The following GALNT16 variants were observed in gnomAD, a reference collection of about 807,000 sequenced individuals.
GALNT16 encodes polypeptide N-acetylgalactosaminyltransferase 16, also known as UDP-GalNAc:polypeptide N-acetylgalactosaminyltransferase-like protein 1.
In GALNT16, 40 loss-of-function variants were observed where a neutral mutation model predicts 76.1. That is an observed-to-expected ratio of 0.53 (90% CI 0.41 to 0.68). The LOEUF (loss-of-function observed/expected upper bound fraction) is 0.68. Among genes scored for constraint, GALNT16 ranks in the 30% least tolerant of loss-of-function variants. GALNT16 has a pLI of 0.00. For missense variants in GALNT16, 621 were observed against 731.9 expected, an observed-to-expected ratio of 0.85 and a Z score of 1.75; for synonymous variants, 276 against 285.2, an observed-to-expected ratio of 0.97 and a Z score of 0.32.
the GALNT16 span, among the ~76,000 whole-genome samples, chr14:69,362,613 A>T: frequency 2.9e-4 from 44 of 152,356 alleles, no homozygotes; most frequent in African/African-American, 9.9e-4. Flanking sequence ...CCAGCTGCTT[A>T]GGCATCCTGA....
At chr14:69,368,169 A>G in the GALNT16 span, among the ~76,000 whole-genome samples, 1 of 152,112 alleles carries the variant, frequency 6.6e-6, no homozygotes, top group African/African-American at 2.4e-5. Context: ...TTTCTGGGAA[A>G]AGCTCTTTCC....
rs141045703 is a variant in GALNT16 at position 69,325,369 on chromosome 14, A to G, written c.467A>G (p.Gln156Arg). The G allele has an allele frequency of 1.9e-3, 3,044 of 1,600,430 alleles. 70 individuals carry two copies. The South Asian group carries it at 0.029, about 15-fold the overall frequency. The change falls in exon 4 of 15, where the codon CAG (glutamine) becomes CGG (arginine). Residue 156 changes from glutamine (Q) to arginine (R), a missense_variant. Physicochemically the swap from Gln to Arg is conservative, Grantham distance 43 (BLOSUM62 1). Transcript: ENST00000448469. ...VLNRTPANLI[Q>R]EIILVDDFSS... is the part of the protein sequence containing the mutation. ...AACCGAACTCCTGCCAACTTGATCC[A>G]GGAGATCATTTTAGTGGATGACTTC...
the GALNT16 span, among the ~76,000 whole-genome samples, chr14:69,363,359 T>C: frequency 6.6e-6 from 1 of 152,210 alleles, no homozygotes; most frequent in Non-Finnish European, 1.5e-5. Flanking sequence ...GGATTCGGTC[T>C]GCCCAGCAGA....
chr14:69,382,789 C>CAAAAA, the GALNT16 span, among the ~76,000 whole-genome samples: 90 of 103,140 alleles, frequency 8.7e-4, 1 homozygote, highest in African/African-American at 3.3e-3. Flanking sequence ...ACTCTATCTC[C>CAAAAA]AAAAGAAAAA....
At chr14:69,310,755 T>TA (rs752896535) in intron 1 of GALNT16, among the ~76,000 whole-genome samples, 1 of 151,740 alleles carries the variant, frequency 6.6e-6, no homozygotes, top group Admixed American at 6.6e-5. Context: ...TTTTTCTGTC[T>TA]AAAAAAAATT....
At chr14:69,316,297 T>A (rs2045099398) in intron 1 of GALNT16, among the ~76,000 whole-genome samples, 1 of 152,208 alleles carries the variant, frequency 6.6e-6, no homozygotes. Context: ...AGATTACACA[T>A]GTATTCAGTA....
rs1302275312 is a variant in GALNT16, at chr14:69,347,983, A to G, written c.1520A>G (p.Asn507Ser). Reference protein sequence around the residue: ...PGSPVILQMCNPREGKQKWRR... With the variant: ...PGSPVILQMCSPREGKQKWRR... ...TCCCCAGTCATACTGCAGATGTGCAACCCTAGAGAAGGCAAGCAGGTGAGT... is the reference window on the plus strand; with the variant it reads ...TCCCCAGTCATACTGCAGATGTGCAGCCCTAGAGAAGGCAAGCAGGTGAGT... The change falls in exon 14 of 15, where the codon AAC becomes AGC. Residue 507 changes from asparagine to serine, a missense_variant. Coordinates refer to ENST00000448469, the MANE Select transcript of GALNT16 (RefSeq NM_001168368.2). 9.3e-6 allele frequency: 15 copies of G among 1,614,002 alleles called. No individual in the cohort carries two copies. The highest frequency in any genetic ancestry group is 1.2e-5 in the Non-Finnish European group (14 of 1,179,980).
chr14:69,360,110 T>C (rs1383139639), downstream of GALNT16, among the ~76,000 whole-genome samples: 1 of 152,128 alleles, frequency 6.6e-6, no homozygotes, highest in Non-Finnish European at 1.5e-5. Flanking sequence ...CCCAGCACTT[T>C]GGGAGGCTAA....
Position 69,261,106 on chromosome 14 carries a change from C to T in GALNT16, c.177+639C>T, listed in dbSNP as rs1267104384. 5.9e-5 allele frequency among the ~76,000 whole-genome samples: 9 copies of T among 152,228 alleles called. No individual in the cohort carries two copies. The highest frequency in any genetic ancestry group is 2.2e-4 in the African/African-American group (9 of 41,462). On this transcript the variant is annotated intron_variant, in intron 1 of 14. Transcript: ENST00000448469. The surrounding 1 kb of genome is among the most constrained non-coding windows in gnomAD (Gnocchi z 6.4). Reference sequence around the variant, plus strand: ...TCACTCCCAACCTTAGGGTCCGCCACCACGGGTAGGTGGGCAGTGTCAGCG... The same window carrying T: ...TCACTCCCAACCTTAGGGTCCGCCATCACGGGTAGGTGGGCAGTGTCAGCG...
At chr14:69,348,131 G>T (rs2045591630) in intron 14 of GALNT16, 129 bp downstream of exon 14, 2 of 887,288 alleles carry the variant, frequency 2.3e-6, no homozygotes, top group African/African-American at 1.7e-5. Context: ...TGTGGGGAGG[G>T]GGAGCAAAGT....
intron 1 of GALNT16, among the ~76,000 whole-genome samples, chr14:69,314,761 C>A (rs1314801350): frequency 6.6e-6 from 1 of 152,180 alleles, no homozygotes; most frequent in African/African-American, 2.4e-5. Context: ...ATTTTACTCC[C>A]AGGGGAGTGG....
intron 1 of GALNT16, among the ~76,000 whole-genome samples, chr14:69,278,567 A>G (rs1309360440): frequency 1.3e-5 from 2 of 152,226 alleles, no homozygotes; most frequent in East Asian, 3.8e-4. Context: ...AATATTTTTA[A>G]ATGTCTGTCT....
chr14:69,324,987 C>T (rs779625989), intron 3 of GALNT16, among the ~76,000 whole-genome samples, 197 bp downstream of exon 3: 6 of 152,142 alleles, frequency 3.9e-5, no homozygotes, highest in Non-Finnish European at 8.8e-5. Flanking sequence ...CAGTCAAACA[C>T]CAGGTCAGAT....
chr14:69,325,957 C>G lies in GALNT16; in HGVS notation c.503-5C>G. On this transcript the variant is annotated splice_polypyrimidine_tract_variant and splice_region_variant and intron_variant, in intron 4 of 14. Coordinates refer to ENST00000448469, the MANE Select transcript of GALNT16 (RefSeq NM_001168368.2). ...ATGAGCTTGCCTTCCTCTTTGCATC[C>G]TCAGCGGAAGACTGTCTACTCCTGA... 1 of 1,613,336 alleles carries G rather than the reference C, an allele frequency of 6.2e-7. No individual in the cohort carries two copies. Among genetic ancestry groups the G allele is most frequent in the Non-Finnish European group, 8.5e-7 (1 of 1,179,266 alleles).
At chr14:69,370,759 A>C in the GALNT16 span, among the ~76,000 whole-genome samples, 4 of 152,228 alleles carry the variant, frequency 2.6e-5, no homozygotes, top group African/African-American at 7.2e-5. Context: ...CAATGGCATT[A>C]TCAAATCTAA....
intron 1 of GALNT16, among the ~76,000 whole-genome samples, chr14:69,290,736 G>A (rs2044678101): frequency 6.6e-6 from 1 of 152,188 alleles, no homozygotes; most frequent in African/African-American, 2.4e-5. Flanking sequence ...AAATGGTAAT[G>A]GTCTCAGAAA....
chr14:69,299,558 C>G (rs1413735199), intron 1 of GALNT16, among the ~76,000 whole-genome samples: 1 of 152,196 alleles, frequency 6.6e-6, no homozygotes, highest in Non-Finnish European at 1.5e-5. Flanking sequence ...GAGCAGTGTG[C>G]TGTGGAGGCA....
At position 69,325,382 on chromosome 14, in the gene GALNT16, AG is replaced by A; in HGVS notation, c.481del (p.Val161TrpfsTer14). 1 of 1,596,484 alleles carries A rather than the reference AG, an allele frequency of 6.3e-7. No individual in the cohort carries two copies. Among genetic ancestry groups the A allele is most frequent in the Non-Finnish European group, 8.6e-7 (1 of 1,163,952 alleles). ...PANLIQEIIL[V>X]DDFSSDPEDC... ...CCAACTTGATCCAGGAGATCATTTT[AG>A]TGGATGACTTCAGCTCAGATCGTGA... On this transcript the variant is annotated frameshift_variant, in exon 4 of 15. Coordinates refer to ENST00000448469, the MANE Select transcript of GALNT16 (RefSeq NM_001168368.2). LOFTEE classifies it high-confidence loss of function.
In GALNT16 at chr14:69,352,152, T is replaced by C; in HGVS notation, c.1661T>C (p.Leu554Pro). 6.2e-7 allele frequency: 1 copy of C among 1,611,888 alleles called. No individual in the cohort carries two copies. The highest frequency in any genetic ancestry group is 8.5e-7 in the Non-Finnish European group (1 of 1,178,924). ...GACGCCCAGGCCCAGCAGTGGCAGC[T>C]GTTGCCACACACATGACGGTAGCCC... is the stretch of plus-strand genomic sequence containing the variant. ...QADAQAQQWQ[L>P]LPHT Residue 554 changes from leucine (L) to proline (P), a missense_variant, in exon 15 of 15, where the codon CTG becomes CCG. Coordinates refer to ENST00000448469, the MANE Select transcript of GALNT16 (RefSeq NM_001168368.2).
Sources: allele counts gnomAD v4.1 joint callset (sites outside exome capture counted in the v4.1 genomes callset), GRCh38; gene constraint gnomAD v4.1.1; non-coding constraint Gnocchi (gnomAD v3.1); transcripts MANE v1.5; gene names NCBI Gene and HGNC (gene_info 2026-07-23, HGNC 2026-07-21).